The following IAH1 variants were observed in gnomAD, a reference collection of about 807,000 sequenced individuals.
IAH1 encodes the protein isoamyl acetate hydrolyzing esterase 1 (putative).
A neutral mutation model predicts 26.7 loss-of-function variants in IAH1; 24 were observed. That is an observed-to-expected ratio of 0.90 (90% CI 0.65 to 1.26). The LOEUF (loss-of-function observed/expected upper bound fraction) is 1.26, where lower values mean the gene tolerates loss of function less well. IAH1 is among the 50% of genes most tolerant of loss of function. The pLI, the probability that IAH1 is intolerant of heterozygous loss-of-function variation, is 0.00. For synonymous variants in IAH1, 140 were observed against 118.5 expected, an observed-to-expected ratio of 1.18 and a Z score of -1.18; for missense variants, 300 against 299.9, an observed-to-expected ratio of 1.00 and a Z score of 0.00.
chr2:9,497,883 T>TTA (rs201012490), downstream of IAH1, among the ~76,000 whole-genome samples: 1,705 of 151,982 alleles, frequency 0.011, 18 homozygotes, highest in African/African-American at 0.031. Context: ...GTTTTGCAAT[T>TTA]TATATATATA....
At chr2:9,487,156 C>T (rs528491463) in intron 5 of IAH1, among the ~76,000 whole-genome samples, 2 of 152,068 alleles carry the variant, frequency 1.3e-5, no homozygotes, top group South Asian at 2.1e-4. Flanking sequence ...TTAGAAAGAT[C>T]GCTTGAGCCC....
At chr2:9,484,328 T>C (rs1256753588) in intron 4 of IAH1, 104 bp from the exon 5 acceptor site, 6 of 913,432 alleles carry the variant, frequency 6.6e-6, no homozygotes, top group Non-Finnish European at 1.1e-5. Context: ...GTGGGGTCAA[T>C]ATTTAATGGC....
exon 7 of IAH1, chr2:9,496,460 C>T (rs1009400908): frequency 6.6e-6 from 1 of 152,346 alleles, no homozygotes; most frequent in Non-Finnish European, 1.5e-5. Context: ...AGAGAACTCC[C>T]TCATCGACTC....
At chr2:9,497,086 C>T (rs1024000810), downstream of IAH1, 39 of 1,608,188 alleles carry the variant, frequency 2.4e-5, no homozygotes, top group Non-Finnish European at 3.3e-5. Context: ...TTTTCTCCTG[C>T]TGCTGGACTG....
chr2:9,490,596 C>T, downstream of IAH1: 1 of 1,385,410 alleles, frequency 7.2e-7, no homozygotes, highest in Non-Finnish European at 9.7e-7. Flanking sequence ...CCTTACCCAT[C>T]AAACAGCCTC....
chr2:9,494,722 C>T (rs140536552), downstream of IAH1: 8 of 1,613,978 alleles, frequency 5.0e-6, no homozygotes, highest in Admixed American at 1.7e-5. Flanking sequence ...GGGCACACAG[C>T]GGCCAGAAAG....
the IAH1 span, among the ~76,000 whole-genome samples, chr2:9,507,526 A>G: frequency 6.6e-6 from 1 of 152,206 alleles, no homozygotes; most frequent in Non-Finnish European, 1.5e-5. Flanking sequence ...ATAATAATAA[A>G]TAAATAAAAC....
the IAH1 span, chr2:9,510,005 C>T: frequency 6.2e-7 from 1 of 1,614,150 alleles, no homozygotes; most frequent in East Asian, 2.2e-5. Flanking sequence ...TCGCCACTCA[C>T]AGCTATGGGA....
chr2:9,503,246 C>G, the IAH1 span, among the ~76,000 whole-genome samples: 18 of 151,704 alleles, frequency 1.2e-4, no homozygotes, highest in South Asian at 3.8e-3. Context: ...TCAGTATTTA[C>G]AGCGTTAATA....
intron 4 of IAH1, among the ~76,000 whole-genome samples, chr2:9,482,895 A>G (rs1661267606): frequency 6.6e-6 from 1 of 152,222 alleles, no homozygotes; most frequent in South Asian, 2.1e-4. Flanking sequence ...ATGAGACACC[A>G]GAGTGTTCTG....
At chr2:9,506,716 G>A in the IAH1 span, 2 of 152,098 alleles carry the variant, frequency 1.3e-5, no homozygotes, top group Admixed American at 6.6e-5. Context: ...TTCTAATCGG[G>A]GCCTCAGGCA....
At chr2:9,502,101 CATAATCT>C in the IAH1 span, 1 of 1,352,392 alleles carries the variant, frequency 7.4e-7, no homozygotes, top group African/African-American at 1.4e-5. Flanking sequence ...CTGAACAAAA[CATAATCT>C]TGTTTTTCAA....
At chr2:9,485,743 C>T (rs965923036) in intron 5 of IAH1, 3 of 152,388 alleles carry the variant, frequency 2.0e-5, no homozygotes, top group Admixed American at 1.3e-4. Flanking sequence ...TCAGGTTCCA[C>T]ACAGATACTG....
chr2:9,478,769 G>C (rs536371238), intron 3 of IAH1, among the ~76,000 whole-genome samples: 17 of 152,284 alleles, frequency 1.1e-4, no homozygotes, highest in Non-Finnish European at 2.1e-4. Flanking sequence ...CCTGACCTCA[G>C]TTAGGCTTGA....
At chr2:9,496,016 A>G (rs1264418999) in intron 6 of IAH1, among the ~76,000 whole-genome samples, 1 of 151,758 alleles carries the variant, frequency 6.6e-6, no homozygotes, top group East Asian at 1.9e-4. Flanking sequence ...CTTTACCTAC[A>G]CATTATTGAA....
rs186968452 is a variant in IAH1, at chr2:9,478,503, T to A, written c.283+133T>A. The A allele has an allele frequency of 1.6e-4, 131 of 807,580 alleles. 2 individuals are homozygous for A. The African/African-American group carries it at 2.0e-3, about 12-fold the overall frequency. The allele number at this position is 807,580 out of a possible 1,614,324, so 50.0% of individuals were successfully genotyped here. A position where few individuals can be genotyped will look rare whatever the true frequency, so the allele number is the denominator to read the frequency against. ...ACAGTTTTGCCAAACTTATGTTGTT[T>A]ATATGTATTCCTGGCTTTAACACTG... On this transcript the variant is annotated intron_variant, in intron 3 of 5. Coordinates refer to ENST00000497473, the MANE Select transcript of IAH1 (RefSeq NM_001039613.3).
At chr2:9,496,828 A>G (rs1171464747), downstream of IAH1, among the ~76,000 whole-genome samples, 6 of 152,038 alleles carry the variant, frequency 3.9e-5, no homozygotes, top group Non-Finnish European at 8.8e-5. Context: ...CTACCTACCC[A>G]CCCACTCACC....
At chr2:9,495,654 C>T (rs936641130) in intron 6 of IAH1, among the ~76,000 whole-genome samples, 2 of 150,074 alleles carry the variant, frequency 1.3e-5, no homozygotes, top group Non-Finnish European at 2.9e-5. Flanking sequence ...GCGGAGGCTG[C>T]GGTGACCTGA....
At chr2:9,485,355 C>G (rs1661417841) in intron 5 of IAH1, 1 of 152,270 alleles carries the variant, frequency 6.6e-6, no homozygotes, top group South Asian at 2.1e-4. Context: ...TTTGGTGTCT[C>G]AAAAAGGCAA....
Sources: gnomAD v4.1 joint callset for allele counts (sites outside exome capture counted in the v4.1 genomes callset) on GRCh38, gnomAD v4.1.1 for gene constraint, MANE v1.5 for transcripts, NCBI Gene and HGNC (gene_info 2026-07-23, HGNC 2026-07-21) for gene names.